Variants in ITGAM observed in about 807,000 individuals in gnomAD.
The protein encoded by ITGAM is integrin alpha-M.
A neutral mutation model predicts 137.5 loss-of-function variants in ITGAM; 79 were observed. The observed-to-expected ratio is 0.57, with a 90% CI of 0.48 to 0.69. The LOEUF (loss-of-function observed/expected upper bound fraction) is 0.69, where lower values mean the gene tolerates loss of function less well. ITGAM is among the 30% of genes least tolerant of loss of function. The pLI, the probability that ITGAM is intolerant of heterozygous loss-of-function variation, is 0.00. For missense variants in ITGAM, 1,343 were observed against 1,483.5 expected (o/e 0.91, Z 1.56); for synonymous variants, 583 against 592.3 (o/e 0.98, Z 0.23).
chr16:31,329,528 G>C (rs1057301681), intron 24 of ITGAM, among the ~76,000 whole-genome samples: 7 of 152,296 alleles, frequency 4.6e-5, no homozygotes, highest in Non-Finnish European at 8.8e-5. Flanking sequence ...GTGGGGCACT[G>C]TCATGATCCC....
At chr16:31,307,351 G>C (rs1173875582) in intron 14 of ITGAM, among the ~76,000 whole-genome samples, 2 of 152,106 alleles carry the variant, frequency 1.3e-5, no homozygotes, top group Non-Finnish European at 1.5e-5. Flanking sequence ...TCTCCTTCAA[G>C]AGGTCCTTCA....
chr16:31,291,492 C>A (rs1027145517), intron 12 of ITGAM, among the ~76,000 whole-genome samples: 4 of 152,096 alleles, frequency 2.6e-5, no homozygotes, highest in African/African-American at 7.2e-5. Context: ...TGCATCTTTG[C>A]CAGCATCCAT....
chr16:31,293,854 C>A (rs1272202249), intron 12 of ITGAM, among the ~76,000 whole-genome samples: 1 of 152,154 alleles, frequency 6.6e-6, no homozygotes, highest in Non-Finnish European at 1.5e-5. Flanking sequence ...GATATTGATT[C>A]TTCCTATCCA....
At chr16:31,319,798 C>T (rs2080429258) in intron 14 of ITGAM, among the ~76,000 whole-genome samples, 1 of 151,146 alleles carries the variant, frequency 6.6e-6, no homozygotes, top group South Asian at 2.1e-4. Flanking sequence ...AATATGCTTT[C>T]ATTTTGTTCT....
intron 12 of ITGAM, among the ~76,000 whole-genome samples, chr16:31,291,215 C>T (rs1308905050): frequency 6.6e-6 from 1 of 152,198 alleles, no homozygotes; most frequent in East Asian, 1.9e-4. Context: ...ACATGTACCA[C>T]ATTTTCTTTA....
chr16:31,261,621 G>A (rs1388322805), intron 1 of ITGAM, 71 bp from the exon 2 acceptor site: 18 of 953,882 alleles, frequency 1.9e-5, no homozygotes, highest in Non-Finnish European at 1.7e-6. Flanking sequence ...GCCCTCCAAA[G>A]TGCTAGGACT....
At chr16:31,306,872 T>G (rs2080270338) in intron 14 of ITGAM, among the ~76,000 whole-genome samples, 1 of 152,180 alleles carries the variant, frequency 6.6e-6, no homozygotes, top group African/African-American at 2.4e-5. Context: ...GTTAGTCCAA[T>G]GTAGTTAGTA....
intron 5 of ITGAM, among the ~76,000 whole-genome samples, chr16:31,268,555 A>G (rs2079794844): frequency 6.6e-6 from 1 of 151,928 alleles, no homozygotes; most frequent in African/African-American, 2.4e-5. Flanking sequence ...GCTATTCAGG[A>G]GGCCTCCCAA....
chr16:31,276,940 T>C lies in ITGAM; in HGVS notation c.1104T>C (p.Thr368=), dbSNP rs1333939879. 1 of 1,613,324 alleles carries C rather than the reference T, an allele frequency of 6.2e-7. No homozygotes were observed. Among genetic ancestry groups the C allele is most frequent in the African/African-American group, 1.3e-5 (1 of 75,010 alleles). The change falls in exon 11 of 30, where the codon ACT becomes ACC. Residue 368 remains threonine, a synonymous_variant. Transcript: ENST00000544665. ...CCCAGAATGGCCCCTTGCTGAGCACTGTGGGGAGCTATGACTGGGCTGGTG... is the reference window on the plus strand; with the variant it reads ...CCCAGAATGGCCCCTTGCTGAGCACCGTGGGGAGCTATGACTGGGCTGGTG... ...AITSNGPLLS[T]VGSYDWAGGV...
At chr16:31,268,725 T>C (rs1021120827) in intron 5 of ITGAM, among the ~76,000 whole-genome samples, 2 of 152,194 alleles carry the variant, frequency 1.3e-5, no homozygotes, top group African/African-American at 2.4e-5. Flanking sequence ...TGCCCGCTGC[T>C]CTTTGCTTGA....
At chr16:31,303,820 T>TAC (rs2080239804) in intron 14 of ITGAM, among the ~76,000 whole-genome samples, 2 of 152,184 alleles carry the variant, frequency 1.3e-5, no homozygotes, top group Non-Finnish European at 2.9e-5. Flanking sequence ...TATACACATA[T>TAC]ACACACACAC....
rs1229505771 is a variant in ITGAM at position 31,321,456 on chromosome 16, C to T, written c.1839-8C>T. On this transcript the variant is annotated splice_region_variant and splice_polypyrimidine_tract_variant and intron_variant, in intron 15 of 29. Coordinates refer to ENST00000544665, the MANE Select transcript of ITGAM (RefSeq NM_000632.4). ...AAGGTCCCTGATGGTTTTCTGGTGT[C>T]CCTTTAGGTCCCAGCCAGTACTGAG... is the stretch of plus-strand genomic sequence containing the variant. 1.2e-6 allele frequency: 2 copies of T among 1,613,826 alleles called. No individual in the cohort carries two copies. Among genetic ancestry groups the T allele is most frequent in the Non-Finnish European group, 1.7e-6 (2 of 1,179,820 alleles).
At position 31,328,194 on chromosome 16, in the gene ITGAM, T is replaced by C; in HGVS notation, c.2756T>C (p.Leu919Pro). The part of the protein sequence containing the change: ...RTNKTEFQLE[L>P]PVKYAVYMVV... ...AACAAAACCGAATTCCAACTGGAGC[T>C]GCCGGTGAAATATGCTGTCTACATG... Residue 919 changes from leucine to proline, a missense_variant, in exon 23 of 30, where the codon CTG (leucine) becomes CCG (proline). Transcript: ENST00000544665. 4 of 1,614,010 alleles carry C rather than the reference T, an allele frequency of 2.5e-6. No homozygotes were observed. The highest frequency in any genetic ancestry group is 3.4e-6 in the Non-Finnish European group (4 of 1,179,880).
Position 31,271,802 on chromosome 16 carries a change from G to A in ITGAM, c.559-45G>A, listed in dbSNP as rs41488545. 14,335 of 1,611,008 alleles carry A rather than the reference G, an allele frequency of 8.9e-3. 80 individuals carry two copies. Among genetic ancestry groups the A allele is most frequent in the Middle Eastern group, 0.027 (162 of 5,932 alleles). The stretch of plus-strand genomic sequence containing the variant: ...GAGCTTGCTGGGAGATGTCTGAGGG[G>A]TGGGGGCACCTTCTCCAGCATCACA... On this transcript the variant is annotated intron_variant, in intron 6 of 29. Transcript: ENST00000544665.
At position 31,326,909 on chromosome 16, in the gene ITGAM, A is replaced by C; in HGVS notation, c.2682A>C (p.Lys894Asn). The change falls in exon 22 of 30, where the codon AAA becomes AAC. Residue 894 changes from lysine to asparagine, a missense_variant. Transcript: ENST00000544665. The part of the protein sequence containing the change: ...DVDSKASLGN[K>N]LLLKANVTSE... Reference sequence around the variant, plus strand: ...ACTCTAAGGCTTCCCTTGGAAACAAACTGCTCCTCAAGGCCAATGTGACCA... The same window carrying C: ...ACTCTAAGGCTTCCCTTGGAAACAACCTGCTCCTCAAGGCCAATGTGACCA... The C allele has an allele frequency of 6.2e-7, 1 of 1,613,550 alleles. No individual in the cohort carries two copies. Among genetic ancestry groups the C allele is most frequent in the African/African-American group, 1.3e-5 (1 of 75,042 alleles).
At chr16:31,326,264 C>A (rs1476546590) in intron 21 of ITGAM, among the ~76,000 whole-genome samples, 1 of 152,006 alleles carries the variant, frequency 6.6e-6, no homozygotes, top group Non-Finnish European at 1.5e-5. Flanking sequence ...TCTACTTTGT[C>A]TATAGATTTG....
intron 14 of ITGAM, among the ~76,000 whole-genome samples, chr16:31,313,697 A>T (rs1445265223): frequency 2.6e-5 from 4 of 152,140 alleles, no homozygotes; most frequent in Non-Finnish European, 5.9e-5. Flanking sequence ...ATACATGTGC[A>T]TGTGTCTTTA....
chr16:31,310,427 C>T (rs548499097), intron 14 of ITGAM, among the ~76,000 whole-genome samples: 37 of 151,622 alleles, frequency 2.4e-4, no homozygotes, highest in African/African-American at 8.2e-4. Context: ...CTTCTCTTCA[C>T]GCTTCATTTC....
rs2079680835 is a variant in ITGAM at position 31,260,012 on chromosome 16, T to C, written c.-53T>C. Reference sequence around the variant, plus strand: ...TGGTGGCTTCCTTGTGGTTCCTCAGTGGTGCCTGCAACCCCTGGTTCACCT... The same window carrying C: ...TGGTGGCTTCCTTGTGGTTCCTCAGCGGTGCCTGCAACCCCTGGTTCACCT... On this transcript the variant is annotated 5_prime_UTR_variant, in exon 1 of 30. Coordinates refer to ENST00000544665, the MANE Select transcript of ITGAM (RefSeq NM_000632.4). The C allele has an allele frequency of 3.5e-6, 5 of 1,445,890 alleles. No individual in the cohort carries two copies. The highest frequency in any genetic ancestry group is 3.6e-4 in the Middle Eastern group (2 of 5,526). The allele number at this position is 1,445,890 out of a possible 1,614,324, so 89.6% of individuals were successfully genotyped here. A position where few individuals can be genotyped will look rare whatever the true frequency, so the allele number is the denominator to read the frequency against.
Sources: gnomAD v4.1 joint callset for allele counts (sites outside exome capture counted in the v4.1 genomes callset) on GRCh38, gnomAD v4.1.1 for gene constraint, MANE v1.5 for transcripts, NCBI Gene and HGNC (gene_info 2026-07-23, HGNC 2026-07-21) for gene names.